CHST15: variants seen among roughly 807,000 people sequenced by gnomAD.
The protein encoded by CHST15 is B cell RAG associated protein (GALNAC4S-6ST).
A neutral mutation model predicts 53.6 loss-of-function variants in CHST15; 30 were observed. The observed-to-expected ratio is 0.56, with a 90% CI of 0.42 to 0.76. The LOEUF (loss-of-function observed/expected upper bound fraction) is 0.76. CHST15 is among the 30% of genes least tolerant of loss of function. The probability of loss-of-function intolerance (pLI) is 0.00; values close to 1 mark genes in which losing one functional copy is unlikely to be tolerated. For synonymous variants in CHST15, 296 were observed against 289.8 expected, an observed-to-expected ratio of 1.02 and a Z score of -0.22; for missense variants, 627 against 740.5, an observed-to-expected ratio of 0.85 and a Z score of 1.78.
rs774083552 is a variant in CHST15, at chr10:124,008,988, G to A, written c.*1161C>T. 2.6e-5 allele frequency: 33 copies of A among 1,289,016 alleles called. No individual in the cohort carries two copies. In the African/African-American group the frequency reaches 3.0e-4, roughly 12 times the overall value. The allele number at this position is 1,289,016 out of a possible 1,614,324, so 79.8% of individuals were successfully genotyped here. On this transcript the variant is annotated 3_prime_UTR_variant, in exon 8 of 8. Transcript: ENST00000435907. ...CTCATTCCAAATCTCAACACGCCAC[G>A]TTCAGCCCAAGTTCAGCTTGTGCAT...
chr10:124,053,536 C>T (rs1948276410), intron 1 of CHST15, among the ~76,000 whole-genome samples: 2 of 151,168 alleles, frequency 1.3e-5, no homozygotes, highest in African/African-American at 4.9e-5. Context: ...CTCTGTTGCT[C>T]AGGCTGGAGC....
At chr10:124,012,913 G>A (rs1442589719) in intron 6 of CHST15, among the ~76,000 whole-genome samples, 4 of 152,220 alleles carry the variant, frequency 2.6e-5, no homozygotes, top group Non-Finnish European at 4.4e-5. Flanking sequence ...CATGAGTGAA[G>A]AGCCAAATGC....
Position 124,044,779 on chromosome 10 carries a change from G to A in CHST15, c.687C>T (p.Phe229=). The change falls in exon 3 of 8, where the codon TTC becomes TTT. Residue 229 remains phenylalanine, a synonymous_variant. Coordinates refer to ENST00000435907, the MANE Select transcript of CHST15 (RefSeq NM_001270764.2). ...VLYSKRFRST[F]DALRKAFWGH... ...CCCAGAAGGCCTTGCGCAGGGCGTC[G>A]AAGGTGGAGCGGAAGCGCTTGGAGT... 4.3e-6 allele frequency: 7 copies of A among 1,611,062 alleles called. No individual in the cohort carries two copies. The highest frequency in any genetic ancestry group is 5.1e-6 in the Non-Finnish European group (6 of 1,178,432).
intron 5 of CHST15, among the ~76,000 whole-genome samples, chr10:124,026,689 G>C (rs1303195268): frequency 2.0e-5 from 3 of 152,166 alleles, no homozygotes; most frequent in Non-Finnish European, 4.4e-5. Context: ...GAATGTGGGA[G>C]GGTGGAGCCA....
chr10:124,084,586 G>T (rs1425813442), intron 1 of CHST15, among the ~76,000 whole-genome samples: 1 of 152,054 alleles, frequency 6.6e-6, no homozygotes, highest in African/African-American at 2.4e-5. Context: ...AATCATCCAG[G>T]TTGTCCTTCA....
At chr10:124,069,026 G>A (rs1246951174) in intron 1 of CHST15, among the ~76,000 whole-genome samples, 2 of 152,208 alleles carry the variant, frequency 1.3e-5, no homozygotes, top group African/African-American at 2.4e-5. Flanking sequence ...CTAAGCTGGG[G>A]TCAGATGTGA....
chr10:124,073,692 A>G (rs900380238), intron 1 of CHST15, among the ~76,000 whole-genome samples: 3 of 152,254 alleles, frequency 2.0e-5, no homozygotes, highest in Non-Finnish European at 4.4e-5. Context: ...GAATGAGCCA[A>G]TGCAGGCTGG....
At chr10:124,017,040 G>A (rs557646861) in intron 6 of CHST15, among the ~76,000 whole-genome samples, 23 of 152,266 alleles carry the variant, frequency 1.5e-4, no homozygotes, top group African/African-American at 3.6e-4. Flanking sequence ...CCCCCAGGGC[G>A]CTGGATGGGA....
At chr10:124,088,382 G>A (rs1949502784) in intron 1 of CHST15, among the ~76,000 whole-genome samples, 1 of 152,214 alleles carries the variant, frequency 6.6e-6, no homozygotes, top group Admixed American at 6.5e-5. Flanking sequence ...CATGCACCTG[G>A]CCCAGGGTTG....
chr10:124,021,140 C>G, intron 6 of CHST15, 116 bp downstream of exon 6: 1 of 1,531,542 alleles, frequency 6.5e-7, no homozygotes, highest in Non-Finnish European at 8.8e-7. Context: ...CATTAAAACG[C>G]TTCTCTCTGT....
intron 3 of CHST15, 73 bp downstream of exon 3, chr10:124,044,507 G>C (rs932250858): frequency 1.3e-5 from 16 of 1,267,272 alleles, no homozygotes; most frequent in East Asian, 2.7e-5. Flanking sequence ...CCCAACCCCA[G>C]CGCTAACGTT....
chr10:124,008,257 T>C lies in CHST15; in HGVS notation c.*1892A>G, dbSNP rs1946321142. 1 of 1,196,800 alleles carries C rather than the reference T, an allele frequency of 8.4e-7. No individual in the cohort carries two copies. The highest frequency in any genetic ancestry group is 1.6e-5 in the African/African-American group (1 of 63,748). 74.1% of individuals were successfully genotyped at this position (1,196,800 alleles called of 1,614,324 possible). On this transcript the variant is annotated 3_prime_UTR_variant, in exon 8 of 8. Coordinates refer to ENST00000435907, the MANE Select transcript of CHST15 (RefSeq NM_001270764.2). ...AAGTTAATTGGCAGAGAAATTAATC[T>C]ATAAAAGGGTTGTGTCCAGAGCGGA... is the stretch of plus-strand genomic sequence containing the variant.
At chr10:124,083,466 T>C (rs1949317608) in intron 1 of CHST15, among the ~76,000 whole-genome samples, 1 of 152,260 alleles carries the variant, frequency 6.6e-6, no homozygotes, top group South Asian at 2.1e-4. Flanking sequence ...CCCTGGATTT[T>C]CTATTGTCGA....
At chr10:124,082,018 G>A (rs1001797061) in intron 1 of CHST15, among the ~76,000 whole-genome samples, 3 of 152,198 alleles carry the variant, frequency 2.0e-5, no homozygotes, top group Non-Finnish European at 4.4e-5. Flanking sequence ...GAAAGATGCT[G>A]GCGCCACAAG....
At chr10:124,054,361 T>C (rs889845077) in intron 1 of CHST15, among the ~76,000 whole-genome samples, 1 of 152,268 alleles carries the variant, frequency 6.6e-6, no homozygotes, top group Non-Finnish European at 1.5e-5. Context: ...CACTTGACTC[T>C]CTGTTAAGTT....
chr10:124,018,493 G>T (rs931979843), intron 6 of CHST15, among the ~76,000 whole-genome samples: 1 of 152,240 alleles, frequency 6.6e-6, no homozygotes, highest in South Asian at 2.1e-4. Flanking sequence ...TGCACTGGGG[G>T]AGACACAGCC....
intron 5 of CHST15, among the ~76,000 whole-genome samples, chr10:124,038,251 AGTG>A (rs1564872598): frequency 2.0e-5 from 3 of 151,792 alleles, no homozygotes; most frequent in Non-Finnish European, 4.4e-5. Flanking sequence ...GGACTATAGG[AGTG>A]TGCCACCACA....
intron 1 of CHST15, among the ~76,000 whole-genome samples, chr10:124,091,255 C>A (rs957942038): frequency 1.3e-5 from 2 of 152,144 alleles, no homozygotes; most frequent in Non-Finnish European, 2.9e-5. Context: ...ATCAAGAGAT[C>A]CTAGTTCAAC....
chr10:124,034,952 CAGGGACCCTGGCTCTACCCCCTAAT>C lies in CHST15; in HGVS notation c.1190+3538_1190+3562del, dbSNP rs564929522. 8.4e-3 allele frequency among the ~76,000 whole-genome samples: 1,084 copies of C among 128,766 alleles called. 27 individuals are homozygous for C. Among genetic ancestry groups the C allele is most frequent in the East Asian group, 0.043 (153 of 3,530 alleles). 84.5% of individuals were successfully genotyped at this position (128,766 alleles called of 152,430 possible). A position where few individuals can be genotyped will look rare whatever the true frequency, so the allele number is the denominator to read the frequency against. On this transcript the variant is annotated intron_variant, in intron 5 of 7. Transcript: ENST00000435907. ...ACAGGGACCCTGGCTCCACCCCTAA[CAGGGACCCTGGCTCTACCCCCTAAT>C]AGGGACCCTGGCTCTACCCCCTAAT...
Sources: allele counts gnomAD v4.1 joint callset (sites outside exome capture counted in the v4.1 genomes callset), GRCh38; gene constraint gnomAD v4.1.1; transcripts MANE v1.5; gene names NCBI Gene and HGNC (gene_info 2026-07-23, HGNC 2026-07-21).